The following LRRC7 variants were observed in gnomAD, a reference collection of about 807,000 sequenced individuals.
The protein encoded by LRRC7 is leucine rich repeat containing 7, also known as leucine-rich repeat-containing protein 7.
In LRRC7, 23 loss-of-function variants were observed where a neutral mutation model predicts 175.7. The ratio of observed to expected loss-of-function variants is 0.13; its 90% CI spans 0.09 to 0.19. The LOEUF (loss-of-function observed/expected upper bound fraction) is 0.19. Ranked by LOEUF, LRRC7 falls within the 10% of genes least tolerant of loss-of-function variation. The pLI, the probability that LRRC7 is intolerant of heterozygous loss-of-function variation, is 1.00. For missense variants in LRRC7, 1,354 were observed against 1,904.7 expected (o/e 0.71, Z 5.38); for synonymous variants, 685 against 680.9 (o/e 1.01, Z -0.09).
intron 2 of LRRC7, among the ~76,000 whole-genome samples, chr1:69,685,090 T>C (rs1418308178): frequency 1.3e-5 from 2 of 152,126 alleles, no homozygotes; most frequent in Admixed American, 6.6e-5. Flanking sequence ...CTCTAGCGGA[T>C]GACACCAGCA....
At chr1:69,873,278 A>C (rs1036474451) in intron 7 of LRRC7, among the ~76,000 whole-genome samples, 2 of 152,000 alleles carry the variant, frequency 1.3e-5, no homozygotes, top group African/African-American at 4.8e-5. Context: ...TTTATCTAAC[A>C]TTTTTTCCTA....
intron 8 of LRRC7, among the ~76,000 whole-genome samples, chr1:69,937,828 A>C (rs1648207394): frequency 6.6e-6 from 1 of 152,002 alleles, no homozygotes; most frequent in Non-Finnish European, 1.5e-5. Context: ...GAGAAGAAGA[A>C]TTTTAAAATA....
intron 7 of LRRC7, among the ~76,000 whole-genome samples, chr1:69,912,301 G>T (rs2101706528): frequency 6.6e-6 from 1 of 152,260 alleles, no homozygotes; most frequent in African/African-American, 2.4e-5. Flanking sequence ...TGTTAAAGGG[G>T]TCTTTTAGAA....
intron 1 of LRRC7, among the ~76,000 whole-genome samples, chr1:69,580,291 G>A (rs561877096): frequency 9.9e-5 from 15 of 151,926 alleles, no homozygotes; most frequent in East Asian, 3.9e-4. Context: ...AATTTGGATC[G>A]TAATATTAAA....
chr1:69,989,701 A>C (rs1369423060), intron 10 of LRRC7, among the ~76,000 whole-genome samples: 2 of 152,134 alleles, frequency 1.3e-5, no homozygotes, highest in Middle Eastern at 3.2e-3. Context: ...GAACAGAATA[A>C]ATGGAAAAGA....
intron 4 of LRRC7, among the ~76,000 whole-genome samples, chr1:69,799,600 T>A (rs1371125351): frequency 6.6e-6 from 1 of 152,154 alleles, no homozygotes; most frequent in Non-Finnish European, 1.5e-5. Context: ...ATTTTCTTTA[T>A]CCATTCATTT....
intron 3 of LRRC7, among the ~76,000 whole-genome samples, chr1:69,774,450 G>C (rs747083982): frequency 1.3e-5 from 2 of 152,074 alleles, no homozygotes; most frequent in Admixed American, 1.3e-4. Flanking sequence ...AACAAATCTA[G>C]AAATCTAATG....
chr1:70,030,334 T>C (rs111722349), intron 18 of LRRC7, among the ~76,000 whole-genome samples: 3,034 of 152,304 alleles, frequency 0.02, 38 homozygotes, highest in Non-Finnish European at 0.027. Context: ...CTAGCTTTCT[T>C]CTACTAGTCT....
intron 1 of LRRC7, among the ~76,000 whole-genome samples, chr1:69,611,816 A>C (rs2100256476): frequency 6.6e-6 from 1 of 152,224 alleles, no homozygotes; most frequent in South Asian, 2.1e-4. Flanking sequence ...CTCAAAAAGG[A>C]CATTTGTTTA....
chr1:70,062,755 G>T (rs1238913999), intron 23 of LRRC7, among the ~76,000 whole-genome samples: 1 of 152,006 alleles, frequency 6.6e-6, no homozygotes. Context: ...TTTCAAATAT[G>T]TATTTTGTTA....
intron 8 of LRRC7, among the ~76,000 whole-genome samples, chr1:69,980,150 T>G (rs1220541649): frequency 6.6e-6 from 1 of 152,062 alleles, no homozygotes; most frequent in Non-Finnish European, 1.5e-5. Context: ...GAGTAATAGA[T>G]CTTCAATTTT....
chr1:69,925,002 A>G (rs1297387080), intron 7 of LRRC7, among the ~76,000 whole-genome samples: 1 of 152,132 alleles, frequency 6.6e-6, no homozygotes, highest in Non-Finnish European at 1.5e-5. Context: ...GAGAGTTTTT[A>G]GCATGAAGGG....
In LRRC7 at chr1:69,888,392, C is replaced by T. The variant is rs57576434; in HGVS notation, c.648-43115C>T. Among the ~76,000 whole-genome samples, 479 of 152,282 alleles carry T rather than the reference C, an allele frequency of 3.1e-3. 2 individuals are homozygous for T. Among genetic ancestry groups the T allele is most frequent in the African/African-American group, 0.011 (447 of 41,568 alleles). ...AGTGACCCGATTTTCCAGGTGCGTC[C>T]GTCACCCCTTTCTTTGACTTGGAAA... On this transcript the variant is annotated intron_variant, in intron 7 of 26. Transcript: ENST00000651989.
At chr1:69,724,385 G>T (rs1666703373) in intron 2 of LRRC7, among the ~76,000 whole-genome samples, 1 of 151,982 alleles carries the variant, frequency 6.6e-6, no homozygotes, top group Non-Finnish European at 1.5e-5. Context: ...GAGTTATTTG[G>T]GGCTATTCAT....
chr1:69,938,601 G>A (rs1235017428), intron 8 of LRRC7, among the ~76,000 whole-genome samples: 1 of 151,944 alleles, frequency 6.6e-6, no homozygotes, highest in African/African-American at 2.4e-5. Context: ...TGAGACAGTC[G>A]AGTACTTATG....
intron 8 of LRRC7, among the ~76,000 whole-genome samples, chr1:69,960,015 G>A (rs1379630558): frequency 1.3e-5 from 2 of 152,098 alleles, no homozygotes; most frequent in African/African-American, 4.8e-5. Context: ...GAGTTAAGGA[G>A]GAGTCCCTCC....
Position 70,143,723 on chromosome 1 carries a change from T to TAATA in LRRC7, c.*21837_*21840dup, listed in dbSNP as rs752806134. 5 of 152,100 alleles carry TAATA rather than the reference T, an allele frequency of 3.3e-5. No homozygotes were observed. The highest frequency in any genetic ancestry group is 7.4e-5 in the Non-Finnish European group (5 of 68,020). The allele number at this position is 152,100 out of a possible 1,614,324, so 9.4% of individuals were successfully genotyped here. On this transcript the variant is annotated 3_prime_UTR_variant, in exon 27 of 27. Coordinates refer to ENST00000651989, the MANE Select transcript of LRRC7 (RefSeq NM_001370785.2). ...ATTCAAAACAAATTGCTTACTTTAA[T>TAATA]AATACAATTTTACCATTTTATAAAA...
intron 26 of LRRC7, among the ~76,000 whole-genome samples, chr1:70,111,961 A>G (rs1665554910): frequency 6.6e-6 from 1 of 152,204 alleles, no homozygotes; most frequent in African/African-American, 2.4e-5. Context: ...TACTTAATTG[A>G]AGATAATTTT....
chr1:70,098,797 A>T (rs886369146), intron 25 of LRRC7, among the ~76,000 whole-genome samples: 12 of 151,086 alleles, frequency 7.9e-5, no homozygotes, highest in African/African-American at 2.9e-4. Flanking sequence ...TGAATAGACC[A>T]ATAACAGGAT....
Sources: gnomAD v4.1 joint callset for allele counts (sites outside exome capture counted in the v4.1 genomes callset) on GRCh38, gnomAD v4.1.1 for gene constraint, MANE v1.5 for transcripts, NCBI Gene and HGNC (gene_info 2026-07-23, HGNC 2026-07-21) for gene names.